PRIM2: variants seen among roughly 807,000 people sequenced by gnomAD.
The protein encoded by PRIM2 is DNA primase subunit 2.
A neutral mutation model predicts 67.3 loss-of-function variants in PRIM2; 39 were observed. The observed-to-expected ratio is 0.58, with a 90% CI of 0.45 to 0.76. The LOEUF (loss-of-function observed/expected upper bound fraction) is 0.76, where lower values mean the gene tolerates loss of function less well. Ranked by LOEUF, PRIM2 falls within the 30% of genes least tolerant of loss-of-function variation. PRIM2 has a pLI of 0.00. For missense variants in PRIM2, 398 were observed against 598.7 expected, an observed-to-expected ratio of 0.66 and a Z score of 3.50; for synonymous variants, 143 against 198.7, an observed-to-expected ratio of 0.72 and a Z score of 2.36.
the PRIM2 span, among the ~76,000 whole-genome samples, chr6:57,259,663 A>G: frequency 1.3e-5 from 2 of 152,172 alleles, no homozygotes; most frequent in Non-Finnish European, 2.9e-5. Context: ...GTGGATGCTG[A>G]GGTGCACTTC....
chr6:57,490,978 A>G (rs2127409946), intron 7 of PRIM2, among the ~76,000 whole-genome samples: 1 of 152,352 alleles, frequency 6.6e-6, no homozygotes, highest in Non-Finnish European at 1.5e-5. Flanking sequence ...TTCAAATAAT[A>G]GAATTCCCAG....
Position 57,418,383 on chromosome 6 carries a change from G to GGTTTTTTTTTTTTTTTTT in PRIM2, c.693+36215_693+36216insGTTTTTTTTTTTTTTTTT, listed in dbSNP as rs1554336216. Reference sequence around the variant, plus strand: ...TAAGGTAATGTTTCCTATGTGTGTGGTTTTTTTTTTTTTTTTTTTTTTTTT... The same window carrying GGTTTTTTTTTTTTTTTTT: ...TAAGGTAATGTTTCCTATGTGTGTGGGTTTTTTTTTTTTTTTTTTTTTTTTTTTTTTTTTTTTTTTTTT... On this transcript the variant is annotated intron_variant, in intron 7 of 13. Coordinates refer to ENST00000615550, the MANE Select transcript of PRIM2 (RefSeq NM_000947.5). Among the ~76,000 whole-genome samples, 20 of 47,228 alleles carry GGTTTTTTTTTTTTTTTTT rather than the reference G, an allele frequency of 4.2e-4. 4 individuals carry two copies. The highest frequency in any genetic ancestry group is 1.1e-3 in the East Asian group (2 of 1,890). 31.0% of individuals were successfully genotyped at this position (47,228 alleles called of 152,430 possible).
At chr6:57,600,556 G>T (rs1776446066) in intron 10 of PRIM2, among the ~76,000 whole-genome samples, 1 of 151,958 alleles carries the variant, frequency 6.6e-6, no homozygotes, top group Admixed American at 6.6e-5. Context: ...GGGTCTCACT[G>T]TGTTGCCCAG....
intron 5 of PRIM2, among the ~76,000 whole-genome samples, chr6:57,365,286 C>A (rs1186013219): frequency 6.6e-6 from 1 of 150,760 alleles, no homozygotes; most frequent in African/African-American, 2.5e-5. Flanking sequence ...GTCATAACTT[C>A]TTGGTATTTC....
the PRIM2 span, among the ~76,000 whole-genome samples, chr6:57,253,674 A>G: frequency 1.3e-5 from 2 of 152,110 alleles, no homozygotes; most frequent in East Asian, 3.8e-4. Flanking sequence ...TGAAATATTG[A>G]TATAATTATT....
At chr6:57,564,927 G>A (rs1212558237) in intron 10 of PRIM2, among the ~76,000 whole-genome samples, 3 of 152,194 alleles carry the variant, frequency 2.0e-5, no homozygotes, top group Admixed American at 2.0e-4. Context: ...TTAAACAAAT[G>A]GATGTAGCTG....
chr6:57,475,210 C>T (rs1424021112), intron 7 of PRIM2, among the ~76,000 whole-genome samples: 6 of 152,120 alleles, frequency 3.9e-5, no homozygotes, highest in African/African-American at 7.2e-5. Context: ...TAATCAGTTT[C>T]GAAGTATAAC....
chr6:57,479,166 A>T (rs1773552408), intron 7 of PRIM2, among the ~76,000 whole-genome samples: 1 of 152,242 alleles, frequency 6.6e-6, no homozygotes, highest in Non-Finnish European at 1.5e-5. Context: ...AAAAGGATTT[A>T]TTACAGTCAT....
At position 57,493,659 on chromosome 6, in the gene PRIM2, A is replaced by G. The variant is rs1320569667; in HGVS notation, c.694-13728A>G. On this transcript the variant is annotated intron_variant, in intron 7 of 13. Coordinates refer to ENST00000615550, the MANE Select transcript of PRIM2 (RefSeq NM_000947.5). Reference sequence around the variant, plus strand: ...TTACTAAAGAAAACAAAATTTAACTAAGACATGCAAGATGAAAATCTCTCC... The same window carrying G: ...TTACTAAAGAAAACAAAATTTAACTGAGACATGCAAGATGAAAATCTCTCC... 2.0e-5 allele frequency among the ~76,000 whole-genome samples: 3 copies of G among 152,220 alleles called. No individual in the cohort carries two copies. The East Asian group carries it at 5.8e-4, about 29-fold the overall frequency.
intron 7 of PRIM2, among the ~76,000 whole-genome samples, chr6:57,399,127 G>A (rs1770620635): frequency 6.6e-6 from 1 of 151,898 alleles, no homozygotes; most frequent in African/African-American, 2.4e-5. Context: ...TGTCATGTTG[G>A]TGTGCTGCAC....
intron 7 of PRIM2, among the ~76,000 whole-genome samples, chr6:57,454,972 T>G (rs1772710341): frequency 6.6e-6 from 1 of 152,180 alleles, no homozygotes; most frequent in African/African-American, 2.4e-5. Flanking sequence ...TCCCAGAGAT[T>G]CTGGTATGTT....
intron 10 of PRIM2, among the ~76,000 whole-genome samples, chr6:57,587,664 CAAAAAAAAAAAAAAA>C (rs1157172882): frequency 2.4e-4 from 13 of 54,238 alleles, no homozygotes; most frequent in African/African-American, 5.4e-4. Context: ...GACTCTGTCT[CAAAAAAAAAAAAAAA>C]AAAAAAAAAA....
At chr6:57,326,972 C>T (rs540753356) in intron 5 of PRIM2, among the ~76,000 whole-genome samples, 4 of 145,840 alleles carry the variant, frequency 2.7e-5, no homozygotes, top group African/African-American at 7.8e-5. Flanking sequence ...GGCCTGATCT[C>T]GGCTCACTGC....
the PRIM2 span, among the ~76,000 whole-genome samples, chr6:57,308,937 TA>T: frequency 6.7e-6 from 1 of 149,158 alleles, no homozygotes; most frequent in South Asian, 2.1e-4. Context: ...TTTGTTTGTT[TA>T]TTTTTTTTTT....
At chr6:57,230,780 A>G in the PRIM2 span, among the ~76,000 whole-genome samples, 1 of 152,302 alleles carries the variant, frequency 6.6e-6, no homozygotes. Flanking sequence ...GCCCATGTAC[A>G]TTGAGTCTAT....
chr6:57,253,747 C>CCACA, the PRIM2 span, among the ~76,000 whole-genome samples: 4 of 152,186 alleles, frequency 2.6e-5, no homozygotes, highest in Non-Finnish European at 5.9e-5. Flanking sequence ...AAGACTGAGC[C>CCACA]CACACAAAGG....
intron 2 of PRIM2, among the ~76,000 whole-genome samples, chr6:57,318,939 C>G (rs1185169051): frequency 1.3e-5 from 2 of 152,092 alleles, no homozygotes; most frequent in Non-Finnish European, 2.9e-5. Context: ...TTTAACTGCT[C>G]TAGTAGAAGT....
At chr6:57,602,849 CTT>C (rs1776494413) in intron 11 of PRIM2, among the ~76,000 whole-genome samples, 1 of 152,124 alleles carries the variant, frequency 6.6e-6, no homozygotes, top group Non-Finnish European at 1.5e-5. Flanking sequence ...AAGTAATAAA[CTT>C]AATTTTTTAG....
the PRIM2 span, among the ~76,000 whole-genome samples, chr6:57,299,206 AT>A: frequency 6.6e-6 from 1 of 152,156 alleles, no homozygotes; most frequent in Admixed American, 6.5e-5. Context: ...TTTAATGTGT[AT>A]TATCTCGATG....
Sources: gnomAD v4.1 joint callset for allele counts (sites outside exome capture counted in the v4.1 genomes callset) on GRCh38, gnomAD v4.1.1 for gene constraint, MANE v1.5 for transcripts, NCBI Gene and HGNC (gene_info 2026-07-23, HGNC 2026-07-21) for gene names.